Variants in UBR4 observed in about 807,000 individuals in gnomAD.
The protein encoded by UBR4 is ubiquitin protein ligase E3 component n-recognin 4, also known as E3 ubiquitin-protein ligase UBR4.
In UBR4, 124 loss-of-function variants were observed where a neutral mutation model predicts 575.6. That is an observed-to-expected ratio of 0.22 (90% CI 0.19 to 0.25). UBR4 has a LOEUF of 0.25. Among genes scored for constraint, UBR4 ranks in the 10% least tolerant of loss-of-function variants. The probability of loss-of-function intolerance (pLI) is 1.00; values close to 1 mark genes in which losing one functional copy is unlikely to be tolerated. For synonymous variants in UBR4, 2,455 were observed against 2,473.7 expected (o/e 0.99, Z 0.22); for missense variants, 4,818 against 6,478.8 (o/e 0.74, Z 8.80).
At chr1:19,151,078 C>A in intron 48 of UBR4, 1 of 478,982 alleles carries the variant, frequency 2.1e-6, no homozygotes, top group Non-Finnish European at 3.8e-6. Context: ...ATCCCCTACC[C>A]CTCACTCCCA....
At position 19,152,765 on chromosome 1, in the gene UBR4, C is replaced by T. The variant is rs1039019138; in HGVS notation, c.6833-289G>A. 9.8e-5 allele frequency among the ~76,000 whole-genome samples: 15 copies of T among 152,306 alleles called. No individual in the cohort carries two copies. The highest frequency in any genetic ancestry group is 1.5e-4 in the Non-Finnish European group (10 of 68,030). On this transcript the variant is annotated intron_variant, in intron 46 of 105. Transcript: ENST00000375254. The surrounding 1 kb of genome is among the most constrained non-coding windows in gnomAD (Gnocchi z 4.4). Reference sequence around the variant, plus strand: ...GGTTATTTAAAATAAACAATAGGAGCTACTTCTTTAATGAATGTAAATGAA... The same window carrying T: ...GGTTATTTAAAATAAACAATAGGAGTTACTTCTTTAATGAATGTAAATGAA...
chr1:19,155,543 C>A lies in UBR4; in HGVS notation c.6198G>T (p.Ser2066=), dbSNP rs371811019. The A allele has an allele frequency of 6.2e-7, 1 of 1,613,940 alleles. No individual in the cohort carries two copies. The highest frequency in any genetic ancestry group is 8.5e-7 in the Non-Finnish European group (1 of 1,179,976). Residue 2066 remains serine (S), a synonymous_variant, in exon 43 of 106, where the codon TCG becomes TCT. Transcript: ENST00000375254. The part of the protein sequence containing the change: ...EGKNIIVIMS[S]AGYIYTQLME... ...TAAGCTGAGTATAGATGTACCCAGC[C>A]GAAGACATTATAACAATGATGTTCT...
intron 20 of UBR4, 44 bp from the exon 21 acceptor site, chr1:19,175,077 C>G: frequency 1.3e-6 from 2 of 1,515,008 alleles, no homozygotes; most frequent in South Asian, 1.2e-5. Context: ...CCATTCTTAA[C>G]TCTATCTGAC....
chr1:19,115,342 A>G, intron 74 of UBR4, 56 bp downstream of exon 74: 1 of 1,586,128 alleles, frequency 6.3e-7, no homozygotes. Context: ...ACACTACTAC[A>G]GAAAAATAAC....
At position 19,120,349 on chromosome 1, in the gene UBR4, C is replaced by G; in HGVS notation, c.10142-1G>C. On this transcript the variant is annotated splice_acceptor_variant, in intron 68 of 105. Coordinates refer to ENST00000375254, the MANE Select transcript of UBR4 (RefSeq NM_020765.3). LOFTEE classifies it high-confidence loss of function. ...TCCTCCTGGCTGCCAGAGGTCTCAC[C>G]TGCAAGATTAGGACAGGACTAAGGG... is the stretch of plus-strand genomic sequence containing the variant. 6.2e-7 allele frequency: 1 copy of G among 1,614,126 alleles called. No individual in the cohort carries two copies. Among genetic ancestry groups the G allele is most frequent in the Non-Finnish European group, 8.5e-7 (1 of 1,179,976 alleles).
intron 87 of UBR4, 121 bp downstream of exon 87, chr1:19,103,963 T>C (rs2078921003): frequency 8.8e-7 from 1 of 1,130,972 alleles, no homozygotes; most frequent in Non-Finnish European, 1.3e-6. Flanking sequence ...TCCCTTTGAA[T>C]GCAGGGAGAT....
At chr1:19,104,807 G>T in intron 85 of UBR4, 141 bp from the exon 86 acceptor site, 1 of 1,133,450 alleles carries the variant, frequency 8.8e-7, no homozygotes, top group Non-Finnish European at 1.3e-6. Context: ...CTCCTTTCCA[G>T]GAAGCCAACA....
intron 28 of UBR4, 123 bp from the exon 29 acceptor site, chr1:19,167,354 AT>A: frequency 1.1e-6 from 1 of 914,838 alleles, no homozygotes; most frequent in Non-Finnish European, 1.7e-6. Flanking sequence ...AAGGGCCTTT[AT>A]TCCAGTCTTT....
At chr1:19,175,896 C>T (rs1348899552) in intron 20 of UBR4, among the ~76,000 whole-genome samples, 1 of 151,952 alleles carries the variant, frequency 6.6e-6, no homozygotes, top group African/African-American at 2.4e-5. Context: ...CAAGCTCAAA[C>T]GATCCTCCCA....
chr1:19,091,645 TAA>T (rs1357701096), intron 97 of UBR4, among the ~76,000 whole-genome samples: 1 of 152,178 alleles, frequency 6.6e-6, no homozygotes, highest in Non-Finnish European at 1.5e-5. Context: ...CAGTTCAAAC[TAA>T]AAATAGTCAC....
At chr1:19,161,233 C>G in intron 37 of UBR4, 86 bp from the exon 38 acceptor site, 1 of 1,318,432 alleles carries the variant, frequency 7.6e-7, no homozygotes, top group South Asian at 1.3e-5. Context: ...AAAATTTGAC[C>G]CAAAGAAGAA....
At chr1:19,106,538 G>A (rs2079219843) in intron 83 of UBR4, 31 bp downstream of exon 83, 1 of 1,520,280 alleles carries the variant, frequency 6.6e-7, no homozygotes, top group African/African-American at 1.4e-5. Context: ...CAGGGGCGCA[G>A]GGGGTGAAGA....
chr1:19,177,355 T>A, intron 19 of UBR4, 106 bp downstream of exon 19: 1 of 1,456,406 alleles, frequency 6.9e-7, no homozygotes, highest in Non-Finnish European at 9.3e-7. Flanking sequence ...TACCAAAACC[T>A]AAAACCTAAA....
At chr1:19,081,175 C>T (rs1399945251) in intron 103 of UBR4, 174 bp downstream of exon 103, 1 of 595,092 alleles carries the variant, frequency 1.7e-6, no homozygotes, top group African/African-American at 1.8e-5. Context: ...ACCAGGCAAC[C>T]TGCCAGCCAT....
At chr1:19,186,182 G>A (rs921980975) in intron 14 of UBR4, among the ~76,000 whole-genome samples, 2 of 152,068 alleles carry the variant, frequency 1.3e-5, no homozygotes, top group African/African-American at 2.4e-5. Flanking sequence ...CATCCAAACC[G>A]AACACCTCAC....
At chr1:19,095,418 G>A (rs2077935764) in intron 93 of UBR4, 127 bp downstream of exon 93, 5 of 917,204 alleles carry the variant, frequency 5.5e-6, no homozygotes, top group Non-Finnish European at 8.5e-6. Flanking sequence ...CTCTGCACCA[G>A]TCAGCCAGAG....
chr1:19,165,483 A>G, intron 30 of UBR4, 134 bp from the exon 31 acceptor site: 1 of 1,042,612 alleles, frequency 9.6e-7, no homozygotes, highest in Non-Finnish European at 1.4e-6. Context: ...TGTTCATGAA[A>G]TTAACCCCCT....
At chr1:19,080,938 G>C (rs1251248690) in intron 103 of UBR4, 3 of 169,454 alleles carry the variant, frequency 1.8e-5, no homozygotes, top group Non-Finnish European at 2.6e-5. Flanking sequence ...ACCAAGAAGA[G>C]AGAATGAAGA....
At chr1:19,082,031 C>G (rs1376170342) in intron 102 of UBR4, 4 of 554,878 alleles carry the variant, frequency 7.2e-6, no homozygotes, top group African/African-American at 1.9e-5. Context: ...CCCCCTTGCT[C>G]CACATAGTCT....
Sources: allele counts gnomAD v4.1 joint callset (sites outside exome capture counted in the v4.1 genomes callset), GRCh38; gene constraint gnomAD v4.1.1; non-coding constraint Gnocchi (gnomAD v3.1); transcripts MANE v1.5; gene names NCBI Gene and HGNC (gene_info 2026-07-23, HGNC 2026-07-21).